Variants in TGFBRAP1 observed in about 807,000 individuals in gnomAD.
TGFBRAP1 encodes transforming growth factor-beta receptor-associated protein 1.
Under a neutral mutation model 83.2 loss-of-function variants are expected in TGFBRAP1, and 20 were observed. The ratio of observed to expected loss-of-function variants is 0.24; its 90% confidence interval spans 0.17 to 0.35. The LOEUF (loss-of-function observed/expected upper bound fraction) is 0.35. TGFBRAP1 is among the 10% of genes least tolerant of loss of function. TGFBRAP1 has a pLI of 1.00. For synonymous variants in TGFBRAP1, 415 were observed against 459.8 expected (o/e 0.90, Z 1.25); for missense variants, 950 against 1,099.4 (o/e 0.86, Z 1.92).
intron 1 of TGFBRAP1, among the ~76,000 whole-genome samples, chr2:105,314,249 C>A (rs1246159932): frequency 8.4e-6 from 1 of 118,644 alleles, no homozygotes; most frequent in Non-Finnish European, 1.7e-5. Flanking sequence ...AGTACTTTCT[C>A]TTTTTTTTTT....
chr2:105,276,166 T>C (rs899125233), intron 7 of TGFBRAP1, among the ~76,000 whole-genome samples: 2 of 152,212 alleles, frequency 1.3e-5, no homozygotes, highest in African/African-American at 2.4e-5. Flanking sequence ...GTTGTGCTTT[T>C]ACAAAAGCTT....
At chr2:105,297,528 T>C (rs1678127836) in intron 3 of TGFBRAP1, among the ~76,000 whole-genome samples, 1 of 152,206 alleles carries the variant, frequency 6.6e-6, no homozygotes, top group African/African-American at 2.4e-5. Context: ...CCTATAAGCA[T>C]CTATAAGACA....
At chr2:105,329,155 AG>A (rs1488611222) in intron 1 of TGFBRAP1, among the ~76,000 whole-genome samples, 2 of 152,114 alleles carry the variant, frequency 1.3e-5, no homozygotes, top group Admixed American at 1.3e-4. Flanking sequence ...AAGAGCTCCC[AG>A]AAACCTCAAT....
intron 7 of TGFBRAP1, among the ~76,000 whole-genome samples, chr2:105,276,686 G>A (rs1677361589): frequency 6.6e-6 from 1 of 152,100 alleles, no homozygotes. Context: ...CTGTAACTGA[G>A]AACACCAGGT....
At chr2:105,300,022 C>T (rs538434962) in intron 2 of TGFBRAP1, among the ~76,000 whole-genome samples, 2 of 152,294 alleles carry the variant, frequency 1.3e-5, no homozygotes, top group South Asian at 2.1e-4. Context: ...GTAAATGGCA[C>T]ACCTTTTAAA....
the TGFBRAP1 span, among the ~76,000 whole-genome samples, chr2:105,255,736 C>T: frequency 1.3e-5 from 2 of 152,156 alleles, no homozygotes; most frequent in Admixed American, 1.3e-4. Flanking sequence ...GAGCCAGGTA[C>T]CAAACAATTA....
downstream of TGFBRAP1, among the ~76,000 whole-genome samples, chr2:105,259,772 C>G (rs1171556218): frequency 6.6e-6 from 1 of 152,162 alleles, no homozygotes; most frequent in African/African-American, 2.4e-5. Flanking sequence ...ATCAGCTTTA[C>G]ACAGACCTCT....
intron 4 of TGFBRAP1, among the ~76,000 whole-genome samples, chr2:105,294,854 G>GGT (rs1678028976): frequency 6.6e-6 from 1 of 152,174 alleles, no homozygotes; most frequent in Non-Finnish European, 1.5e-5. Flanking sequence ...ATGTGCACAT[G>GGT]GTGTGTGTGC....
chr2:105,300,520 T>C (rs189680299), intron 2 of TGFBRAP1, among the ~76,000 whole-genome samples: 422 of 139,454 alleles, frequency 3.0e-3, no homozygotes, highest in Non-Finnish European at 4.1e-3. Context: ...CACTGCAACC[T>C]CTGCCTCCCG....
intron 10 of TGFBRAP1, among the ~76,000 whole-genome samples, 171 bp downstream of exon 10, chr2:105,272,684 T>C (rs1168681893): frequency 6.6e-6 from 1 of 151,996 alleles, no homozygotes; most frequent in Non-Finnish European, 1.5e-5. Flanking sequence ...CCAGCCTGGG[T>C]GACAAAGCGA....
chr2:105,262,378 T>C (rs942116620), downstream of TGFBRAP1, among the ~76,000 whole-genome samples: 1 of 152,120 alleles, frequency 6.6e-6, no homozygotes, highest in Non-Finnish European at 1.5e-5. Context: ...ACTGTCTCTC[T>C]CCAGCTCTTG....
intron 2 of TGFBRAP1, among the ~76,000 whole-genome samples, chr2:105,307,362 C>T (rs888641654): frequency 1.3e-5 from 2 of 152,220 alleles, no homozygotes; most frequent in Non-Finnish European, 2.9e-5. Flanking sequence ...TTCCCGGTAA[C>T]ACCACCAGAG....
At chr2:105,258,798 TTC>T in the TGFBRAP1 span, among the ~76,000 whole-genome samples, 1 of 150,696 alleles carries the variant, frequency 6.6e-6, no homozygotes, top group Non-Finnish European at 1.5e-5. Context: ...CTCCTATTGG[TTC>T]TCTTTCTCTG....
downstream of TGFBRAP1, among the ~76,000 whole-genome samples, chr2:105,260,594 G>T (rs1676766815): frequency 6.6e-6 from 1 of 152,132 alleles, no homozygotes; most frequent in Admixed American, 6.5e-5. Context: ...GCTGGGGAGG[G>T]AGAAACAGGG....
chr2:105,273,104 G>A (rs1479735959), intron 9 of TGFBRAP1, 90 bp from the exon 10 acceptor site: 37 of 1,503,618 alleles, frequency 2.5e-5, no homozygotes, highest in South Asian at 3.8e-5. Context: ...CTTGGAGACC[G>A]CGGCTGCACT....
chr2:105,285,573 C>A (rs771302021), intron 4 of TGFBRAP1, among the ~76,000 whole-genome samples: 19 of 152,172 alleles, frequency 1.2e-4, no homozygotes, highest in South Asian at 2.1e-4. Flanking sequence ...TGGTGTGTTA[C>A]CCACTGAAGG....
At chr2:105,283,464 G>A (rs1677609632) in intron 5 of TGFBRAP1, among the ~76,000 whole-genome samples, 1 of 152,152 alleles carries the variant, frequency 6.6e-6, no homozygotes, top group Non-Finnish European at 1.5e-5. Context: ...ATCTATTCAG[G>A]GGCTTCCTAT....
In TGFBRAP1 at chr2:105,269,069, A is replaced by G. The variant is rs1573536709; in HGVS notation, c.2406+203T>C. ...CAGCGTCCAAAAGGGGAGAAAAACT[A>G]CACCGATGTTACACCTACCAGCCCA... On this transcript the variant is annotated intron_variant, in intron 11 of 11. Transcript: ENST00000393359. This position sits in a 1 kb window ranked among gnomAD's most constrained non-coding sequence, Gnocchi z 4.1. Among the ~76,000 whole-genome samples the G allele has an allele frequency of 6.6e-6, 1 of 152,232 alleles. No individual in the cohort carries two copies. Among genetic ancestry groups the G allele is most frequent in the African/African-American group, 2.4e-5 (1 of 41,468 alleles).
chr2:105,280,271 G>C (rs536282671), intron 6 of TGFBRAP1, 111 bp downstream of exon 6: 10 of 1,172,784 alleles, frequency 8.5e-6, no homozygotes, highest in Non-Finnish European at 1.2e-5. Flanking sequence ...AGGTACTTGG[G>C]AACATAAACA....
Sources: gnomAD v4.1 joint callset for allele counts (sites outside exome capture counted in the v4.1 genomes callset) on GRCh38, gnomAD v4.1.1 for gene constraint, Gnocchi (gnomAD v3.1) non-coding constraint, MANE v1.5 for transcripts, NCBI Gene and HGNC (gene_info 2026-07-23, HGNC 2026-07-21) for gene names.